NAV3: variants seen among roughly 807,000 people sequenced by gnomAD.
NAV3 encodes pore membrane and/or filament interacting like protein 1.
NAV3 carries 87 observed loss-of-function variants against 244.7 expected under a neutral mutation model. The ratio of observed to expected loss-of-function variants is 0.36; its 90% CI spans 0.30 to 0.42. NAV3 has a LOEUF of 0.42. Among genes scored for constraint, NAV3 ranks in the 20% least tolerant of loss-of-function variants. The pLI is 1.00. For missense variants in NAV3, 2,663 were observed against 2,893.3 expected (o/e 0.92, Z 1.83); for synonymous variants, 1,126 against 1,042.2 (o/e 1.08, Z -1.55).
chr12:78,204,297 T>A (rs1172078495), intron 38 of NAV3, among the ~76,000 whole-genome samples: 1 of 152,014 alleles, frequency 6.6e-6, no homozygotes, highest in Non-Finnish European at 1.5e-5. Flanking sequence ...ATGGCACATG[T>A]ATACATATGT....
chr12:77,575,656 C>G (rs1869047298), intron 2 of NAV3, among the ~76,000 whole-genome samples: 1 of 152,108 alleles, frequency 6.6e-6, no homozygotes. Flanking sequence ...ACAAATGATA[C>G]TGCTATGTAA....
chr12:78,096,011 T>G (rs2138116820), intron 12 of NAV3, among the ~76,000 whole-genome samples: 1 of 152,314 alleles, frequency 6.6e-6, no homozygotes, highest in South Asian at 2.1e-4. Context: ...ATCCTACAGA[T>G]AAATTTCATT....
intron 11 of NAV3, among the ~76,000 whole-genome samples, chr12:78,058,337 C>A (rs1035871820): frequency 6.6e-6 from 1 of 152,122 alleles, no homozygotes; most frequent in Non-Finnish European, 1.5e-5. Flanking sequence ...GGCAAGAGAG[C>A]TTGTGCAAGG....
At chr12:77,585,231 C>T (rs1869546223) in intron 2 of NAV3, among the ~76,000 whole-genome samples, 1 of 152,168 alleles carries the variant, frequency 6.6e-6, no homozygotes, top group South Asian at 2.1e-4. Flanking sequence ...GTGCTCAGCG[C>T]TCATCCTCTT....
intron 2 of NAV3, among the ~76,000 whole-genome samples, chr12:77,580,498 A>G (rs1304848899): frequency 6.6e-6 from 1 of 152,180 alleles, no homozygotes; most frequent in East Asian, 1.9e-4. Flanking sequence ...CTAGAACTCA[A>G]CCCTAGAGCT....
chr12:77,641,954 G>A (rs992492044), intron 2 of NAV3, among the ~76,000 whole-genome samples: 1 of 152,124 alleles, frequency 6.6e-6, no homozygotes, highest in African/African-American at 2.4e-5. Context: ...TTACGGGCAG[G>A]CAGATACTTA....
intron 24 of NAV3, 149 bp downstream of exon 24, chr12:78,169,015 T>C: frequency 2.0e-6 from 1 of 495,582 alleles, no homozygotes; most frequent in Non-Finnish European, 3.6e-6. Flanking sequence ...ATACTAGTAG[T>C]ATTAATACAT....
rs113324041 is a variant in NAV3 at position 77,589,371 on chromosome 12, C to T, written c.72+17105C>T. ...CAAGTATCTTTATAGTAGCAGCCCC[C>T]CTCTGTGGTACCAATTTACTGTATT... On this transcript the variant is annotated intron_variant, in intron 2 of 8. Coordinates refer to the NAV3 transcript ENST00000550042. Among the ~76,000 whole-genome samples, 8 of 151,958 alleles carry T rather than the reference C, an allele frequency of 5.3e-5. No individual in the cohort carries two copies. In the South Asian group the frequency reaches 1.7e-3, roughly 32 times the overall value.
At chr12:77,671,908 T>C (rs556594833) in intron 2 of NAV3, among the ~76,000 whole-genome samples, 3 of 151,370 alleles carry the variant, frequency 2.0e-5, no homozygotes, top group South Asian at 4.2e-4. Context: ...GATAAATAGA[T>C]AGAACTTAAA....
chr12:78,079,883 G>A (rs75169452), intron 12 of NAV3, among the ~76,000 whole-genome samples: 3,003 of 152,282 alleles, frequency 0.02, 41 homozygotes, highest in Non-Finnish European at 0.031. Flanking sequence ...TCACTTGTAC[G>A]TGTTTAAATA....
At chr12:77,835,982 G>A (rs1163391038) in intron 1 of NAV3, among the ~76,000 whole-genome samples, 3 of 152,158 alleles carry the variant, frequency 2.0e-5, no homozygotes, top group Admixed American at 6.5e-5. Context: ...TATGTCATAT[G>A]CAGTTGGAAA....
chr12:78,070,632 A>G (rs1488751690), intron 12 of NAV3, among the ~76,000 whole-genome samples: 1 of 151,534 alleles, frequency 6.6e-6, no homozygotes, highest in Non-Finnish European at 1.5e-5. Flanking sequence ...TACATGTGCC[A>G]TGCTGGTGCG....
chr12:77,732,426 T>C (rs1165312426), intron 2 of NAV3, among the ~76,000 whole-genome samples: 1 of 151,946 alleles, frequency 6.6e-6, no homozygotes, highest in Non-Finnish European at 1.5e-5. Context: ...GGGTGGGTGA[T>C]TCCAAGCTAT....
rs151090406 is a variant in NAV3, at chr12:77,841,248, G to A, written c.243+9544G>A. Among the ~76,000 whole-genome samples, 139 of 152,266 alleles carry A rather than the reference G, an allele frequency of 9.1e-4. No individual in the cohort carries two copies. In the East Asian group the frequency reaches 0.016, roughly 17 times the overall value. ...TGTAACATTTTCCCAGTATAACAAC[G>A]TGATGCCACCTCCATAAACGAAAAG... On this transcript the variant is annotated intron_variant, in intron 1 of 39. Coordinates refer to ENST00000397909, the MANE Select transcript of NAV3 (RefSeq NM_001024383.2).
chr12:78,092,592 C>T (rs1294776349), intron 12 of NAV3, among the ~76,000 whole-genome samples: 6 of 150,138 alleles, frequency 4.0e-5, no homozygotes, highest in East Asian at 2.0e-4. Context: ...CTCCGCCTCC[C>T]GGGTTCACGC....
intron 2 of NAV3, among the ~76,000 whole-genome samples, chr12:77,728,319 A>G (rs1876971710): frequency 6.6e-6 from 1 of 151,996 alleles, no homozygotes; most frequent in Non-Finnish European, 1.5e-5. Context: ...TATTACAGTT[A>G]AAACAGCAAA....
chr12:77,830,346 A>C (rs1172996627), upstream of NAV3, among the ~76,000 whole-genome samples: 1 of 152,186 alleles, frequency 6.6e-6, no homozygotes, highest in Non-Finnish European at 1.5e-5. Context: ...TCATCATTTT[A>C]GTCAATTTTT....
intron 11 of NAV3, among the ~76,000 whole-genome samples, chr12:78,054,940 C>T (rs902033979): frequency 6.6e-6 from 1 of 151,940 alleles, no homozygotes; most frequent in Non-Finnish European, 1.5e-5. Flanking sequence ...TGTATTTCAT[C>T]TCAATAAAAG....
intron 1 of NAV3, among the ~76,000 whole-genome samples, chr12:77,854,575 GTGTATGTGTGTA>G (rs201069068): frequency 0.18 from 14,168 of 79,110 alleles, 934 homozygotes; most frequent in East Asian, 0.51. Context: ...AGCCAATTGT[GTGTATGTGTGTA>G]TGTGTGTGTG....
Sources: allele counts gnomAD v4.1 joint callset (sites outside exome capture counted in the v4.1 genomes callset), GRCh38; gene constraint gnomAD v4.1.1; transcripts MANE v1.5; gene names NCBI Gene and HGNC (gene_info 2026-07-23, HGNC 2026-07-21).